The following SLC25A21 variants were observed in gnomAD, a reference collection of about 807,000 sequenced individuals.
SLC25A21 encodes solute carrier family 25 member 21.
SLC25A21 carries 47 observed loss-of-function variants against 43.8 expected under a neutral mutation model. That is an observed-to-expected ratio of 1.07 (90% CI 0.85 to 1.37). The LOEUF (loss-of-function observed/expected upper bound fraction) is 1.37. Ranked by LOEUF, SLC25A21 falls within the 40% of genes most tolerant of loss-of-function variation. The probability of loss-of-function intolerance (pLI) is 0.00; values close to 1 mark genes in which losing one functional copy is unlikely to be tolerated. For missense variants in SLC25A21, 352 were observed against 350.2 expected (o/e 1.00, Z -0.04); for synonymous variants, 131 against 121.3 (o/e 1.08, Z -0.52).
intron 1 of SLC25A21, among the ~76,000 whole-genome samples, chr14:36,984,275 G>C (rs1960095683): frequency 6.6e-6 from 1 of 152,120 alleles, no homozygotes; most frequent in Admixed American, 6.5e-5. Context: ...TAAACAAAGA[G>C]TTGCAACGAC....
intron 2 of SLC25A21, among the ~76,000 whole-genome samples, chr14:36,869,869 C>CA (rs1890319722): frequency 6.6e-6 from 1 of 152,132 alleles, no homozygotes; most frequent in African/African-American, 2.4e-5. Context: ...GAGGACCTAA[C>CA]AAAAAAGCCA....
chr14:37,159,110 T>C (rs1471813735), intron 1 of SLC25A21, among the ~76,000 whole-genome samples: 1 of 151,888 alleles, frequency 6.6e-6, no homozygotes, highest in Non-Finnish European at 1.5e-5. Flanking sequence ...AAAAAAATCC[T>C]ATGCTCATGG....
At chr14:36,954,678 A>G (rs61989472) in intron 1 of SLC25A21, among the ~76,000 whole-genome samples, 33,921 of 152,052 alleles carry the variant, frequency 0.22, 4,131 homozygotes, top group Admixed American at 0.31. Flanking sequence ...GATTTTAAGT[A>G]TTGTCACCAC....
chr14:36,797,227 G>T (rs147446093), intron 3 of SLC25A21, among the ~76,000 whole-genome samples: 3 of 152,316 alleles, frequency 2.0e-5, no homozygotes, highest in Admixed American at 6.5e-5. Context: ...TAATCTCATA[G>T]TTGGATTAAC....
intron 2 of SLC25A21, among the ~76,000 whole-genome samples, chr14:36,826,880 T>A (rs896805573): frequency 6.6e-6 from 1 of 152,170 alleles, no homozygotes; most frequent in Non-Finnish European, 1.5e-5. Flanking sequence ...GCGCCATCAA[T>A]GGCTTGTGGC....
intron 1 of SLC25A21, among the ~76,000 whole-genome samples, chr14:37,022,350 C>T (rs1246163905): frequency 6.6e-6 from 1 of 151,764 alleles, no homozygotes; most frequent in African/African-American, 2.4e-5. Context: ...AAAAAGAAAA[C>T]ACTATGTTCA....
intron 1 of SLC25A21, among the ~76,000 whole-genome samples, chr14:37,143,177 T>G (rs1963599732): frequency 1.3e-5 from 2 of 152,220 alleles, no homozygotes. Context: ...AGATTCCTTT[T>G]CAAGTTAAAA....
intron 2 of SLC25A21, among the ~76,000 whole-genome samples, chr14:36,871,429 T>C (rs529466402): frequency 1.1e-4 from 16 of 152,166 alleles, no homozygotes; most frequent in Non-Finnish European, 2.2e-4. Context: ...TATGATATTT[T>C]GTTATAGAAG....
At chr14:37,116,797 T>C (rs1963115143) in intron 1 of SLC25A21, among the ~76,000 whole-genome samples, 1 of 152,182 alleles carries the variant, frequency 6.6e-6, no homozygotes, top group East Asian at 1.9e-4. Flanking sequence ...CTGTCAATGA[T>C]AATCAAACTA....
chr14:37,051,006 C>A (rs1961691310), intron 1 of SLC25A21, among the ~76,000 whole-genome samples: 1 of 145,824 alleles, frequency 6.9e-6, no homozygotes, highest in South Asian at 2.2e-4. Flanking sequence ...CAGTTACTCT[C>A]AATCAATTTA....
intron 1 of SLC25A21, among the ~76,000 whole-genome samples, chr14:36,965,710 TCTC>T (rs1333398264): frequency 2.6e-5 from 4 of 152,294 alleles, no homozygotes; most frequent in African/African-American, 7.2e-5. Context: ...CCAGGTTTAT[TCTC>T]CACTCTCTCA....
At chr14:37,062,293 A>G (rs1019996412) in intron 1 of SLC25A21, among the ~76,000 whole-genome samples, 7 of 152,144 alleles carry the variant, frequency 4.6e-5, no homozygotes, top group Non-Finnish European at 8.8e-5. Context: ...TACTTTACCT[A>G]TTATAGGGTA....
chr14:36,824,249 G>T (rs903563193), intron 2 of SLC25A21, among the ~76,000 whole-genome samples: 2 of 152,014 alleles, frequency 1.3e-5, no homozygotes, highest in Admixed American at 6.5e-5. Context: ...CTTATACTAG[G>T]AAAAAAATTG....
intron 2 of SLC25A21, among the ~76,000 whole-genome samples, chr14:36,860,635 A>C (rs1337271023): frequency 6.6e-6 from 1 of 152,214 alleles, no homozygotes; most frequent in Non-Finnish European, 1.5e-5. Context: ...TCAGAATTCT[A>C]ACGAGTTCTC....
chr14:37,070,788 C>T (rs898777024), intron 1 of SLC25A21, among the ~76,000 whole-genome samples: 1 of 152,088 alleles, frequency 6.6e-6, no homozygotes, highest in African/African-American at 2.4e-5. Context: ...TGTGGAATCA[C>T]CATATACACC....
chr14:37,043,940 G>GTTTTTTTTTTTTTTTTTTTTTTTTTTTTT (rs59081965), intron 1 of SLC25A21, among the ~76,000 whole-genome samples: 1 of 56,766 alleles, frequency 1.8e-5, no homozygotes, highest in African/African-American at 6.9e-5. Flanking sequence ...ATGTTTTTTT[G>GTTTTTTTTTTTTTTTTTTTTTTTTTTTTT]TTTTTTTTTT....
intron 1 of SLC25A21, among the ~76,000 whole-genome samples, chr14:36,887,857 T>C (rs1399229343): frequency 2.6e-5 from 4 of 152,186 alleles, no homozygotes; most frequent in African/African-American, 9.7e-5. Flanking sequence ...CTTTCTTCTT[T>C]GATTTAATTG....
At chr14:37,162,998 GGATGA>G (rs1428276529) in intron 1 of SLC25A21, among the ~76,000 whole-genome samples, 2 of 152,080 alleles carry the variant, frequency 1.3e-5, no homozygotes, top group African/African-American at 4.8e-5. Flanking sequence ...GTAGGGACAT[GGATGA>G]AATTGGAAAT....
intron 2 of SLC25A21, among the ~76,000 whole-genome samples, chr14:36,836,407 A>AG (rs1889211094): frequency 6.6e-6 from 1 of 152,380 alleles, no homozygotes; most frequent in Admixed American, 6.5e-5. Context: ...TGTGATGCGT[A>AG]AATAATGCTT....
Sources: gnomAD v4.1 joint callset for allele counts (sites outside exome capture counted in the v4.1 genomes callset) on GRCh38, gnomAD v4.1.1 for gene constraint, MANE v1.5 for transcripts, NCBI Gene and HGNC (gene_info 2026-07-23, HGNC 2026-07-21) for gene names.